Variants in MAGEB5 observed in about 807,000 individuals in gnomAD.
The protein encoded by MAGEB5 is MAGE family member B5.
For missense variants in MAGEB5, 189 were observed against 197.1 expected, an observed-to-expected ratio of 0.96 and a Z score of 0.25; for synonymous variants, 70 against 75.0, an observed-to-expected ratio of 0.93 and a Z score of 0.34.
In MAGEB5 at chrX:26,217,562, G is replaced by A. The variant is rs1929467462; in HGVS notation, c.261G>A (p.Glu87=). The change falls in exon 2 of 2, where the codon GAG becomes GAA. Residue 87 remains glutamate, a synonymous_variant. Coordinates refer to ENST00000602297, the MANE Select transcript of MAGEB5 (RefSeq NM_001271752.1). The stretch of plus-strand genomic sequence containing the variant: ...CTGAGATTCACAGAAGAGCTTCTGA[G>A]CACATTGAGGTTGTCTTTGCAGTTG... ...QFAEIHRRAS[E]HIEVVFAVDL... 8.6e-7 allele frequency: 1 copy of A among 1,166,996 alleles called. No individual in the cohort carries two copies. The highest frequency in any genetic ancestry group is 3.3e-5 in the East Asian group (1 of 30,752).
At position 26,217,242 on chromosome X, in the gene MAGEB5, C is replaced by A; in HGVS notation, c.-60C>A. The A allele has an allele frequency of 1.2e-6, 1 of 858,977 alleles. No homozygotes were observed. The highest frequency in any genetic ancestry group is 1.6e-6 in the Non-Finnish European group (1 of 621,078). The allele number at this position is 858,977 out of a possible 1,213,427, so 70.8% of individuals were successfully genotyped here. A position where few individuals can be genotyped will look rare whatever the true frequency, so the allele number is the denominator to read the frequency against. ...CTCTCCTATTCTTGGGGATATTCCC[C>A]AGAGCTCATCTGCTGCTGAGTCAAG... On this transcript the variant is annotated 5_prime_UTR_variant, in exon 2 of 2. Coordinates refer to ENST00000602297, the MANE Select transcript of MAGEB5 (RefSeq NM_001271752.1).
At position 26,217,343 on chromosome X, in the gene MAGEB5, G is replaced by A; in HGVS notation, c.42G>A (p.Arg14=). 8.6e-7 allele frequency: 1 copy of A among 1,160,705 alleles called. No homozygotes were observed. Among genetic ancestry groups the A allele is most frequent in the South Asian group, 2.0e-5 (1 of 51,063 alleles). The change falls in exon 2 of 2, where the codon AGG becomes AGA. Residue 14 remains arginine, a synonymous_variant. Coordinates refer to ENST00000602297, the MANE Select transcript of MAGEB5 (RefSeq NM_001271752.1). ...TTTTTAATGCAGGATCTGACGAAAG[G>A]GCTAACAGTAGAGATGAGGAGTACC... The part of the protein sequence containing the change: ...AGVFNAGSDE[R]ANSRDEEYPC...
Position 26,217,317 on chromosome X carries a change from GT to G in MAGEB5, c.21del (p.Phe7LeufsTer34). 3.5e-6 allele frequency: 4 copies of G among 1,147,731 alleles called. No individual in the cohort carries two copies. The highest frequency in any genetic ancestry group is 3.5e-6 in the Non-Finnish European group (3 of 864,402). 94.6% of individuals were successfully genotyped at this position (1,147,731 alleles called of 1,213,427 possible). On this transcript the variant is annotated frameshift_variant, in exon 2 of 2. Coordinates refer to ENST00000602297, the MANE Select transcript of MAGEB5 (RefSeq NM_001271752.1). LOFTEE classifies it low-confidence loss of function (END_TRUNC). Reference sequence around the variant, plus strand: ...ATCCAGCACCATGACTTCTGCAGGTGTTTTTAATGCAGGATCTGACGAAAGG... The same window carrying G: ...ATCCAGCACCATGACTTCTGCAGGTGTTTTAATGCAGGATCTGACGAAAGG... MTSAG[V>X]FNAGSDERAN...
rs752349383 is a variant in MAGEB5, at chrX:26,218,098, C to A, written c.797C>A (p.Ala266Glu). Reference protein sequence around the residue: ...HYCSGQDCLRAKFSSFSQPY With the variant: ...HYCSGQDCLREKFSSFSQPY ...TGCAGTGGCCAAGACTGTCTCAGGG[C>A]GAAGTTCAGCAGCTTCTCTCAACCC... The change falls in exon 2 of 2, where the codon GCG becomes GAG. Residue 266 changes from alanine to glutamate, a missense_variant. Coordinates refer to ENST00000602297, the MANE Select transcript of MAGEB5 (RefSeq NM_001271752.1). The A allele has an allele frequency of 8.6e-7, 1 of 1,157,619 alleles. No homozygotes were observed. The highest frequency in any genetic ancestry group is 1.2e-6 in the Non-Finnish European group (1 of 867,545).
rs768567669 is a variant in MAGEB5, at chrX:26,217,429, A to T, written c.128A>T (p.Lys43Met). ...ESSCSNFINIKVGLLEQFLLY... is the reference protein window; with the variant it reads ...ESSCSNFINIMVGLLEQFLLY... ...TCATGCAGCAATTTCATAAATATTA[A>T]GGTGGGTTTGTTGGAGCAGTTCCTG... Residue 43 changes from lysine to methionine, a missense_variant, in exon 2 of 2, where the codon AAG becomes ATG. Physicochemically the swap from Lys to Met is moderately conservative, Grantham distance 95 (BLOSUM62 -1). Coordinates refer to ENST00000602297, the MANE Select transcript of MAGEB5 (RefSeq NM_001271752.1). 6.0e-6 allele frequency: 7 copies of T among 1,165,649 alleles called. No homozygotes were observed. In the East Asian group the frequency reaches 2.3e-4, roughly 38 times the overall value.
chrX:26,217,408 G>A lies in MAGEB5; in HGVS notation c.107G>A (p.Cys36Tyr), dbSNP rs1194553294. The A allele has an allele frequency of 2.1e-5, 25 of 1,167,020 alleles. No homozygotes were observed. Among genetic ancestry groups the A allele is most frequent in the Non-Finnish European group, 2.9e-5 (25 of 872,875 alleles). Residue 36 changes from cysteine to tyrosine, a missense_variant, in exon 2 of 2, where the codon TGC becomes TAC. Transcript: ENST00000602297. ...SEVSPSTESSCSNFINIKVGL... is the reference protein window; with the variant it reads ...SEVSPSTESSYSNFINIKVGL... The stretch of plus-strand genomic sequence containing the variant: ...GTCTCACCCTCCACTGAGAGTTCAT[G>A]CAGCAATTTCATAAATATTAAGGTG...
chrX:26,218,017 C>T lies in MAGEB5; in HGVS notation c.716C>T (p.Ala239Val). Residue 239 changes from alanine (A) to valine (V), a missense_variant, in exon 2 of 2, where the codon GCT (alanine) becomes GTT (valine). Coordinates refer to ENST00000602297, the MANE Select transcript of MAGEB5 (RefSeq NM_001271752.1). ...PGAFSSQYEE[A>V]LQDEEESPSQ... ...GCCTTCTCATCACAATATGAAGAGG[C>T]TTTGCAAGATGAGGAAGAGAGCCCA... 8.4e-7 allele frequency: 1 copy of T among 1,184,339 alleles called. No homozygotes were observed. The highest frequency in any genetic ancestry group is 1.1e-6 in the Non-Finnish European group (1 of 881,633).
rs773422652 is a variant in MAGEB5 at position 26,218,028 on chromosome X, G to A, written c.727G>A (p.Glu243Lys). 30 of 1,177,426 alleles carry A rather than the reference G, an allele frequency of 2.5e-5. No individual in the cohort carries two copies. Among genetic ancestry groups the A allele is most frequent in the African/African-American group, 3.6e-5 (2 of 56,244 alleles). ...SSQYEEALQDEEESPSQRCSR... is the reference protein window; with the variant it reads ...SSQYEEALQDKEESPSQRCSR... ...ACAATATGAAGAGGCTTTGCAAGATGAGGAAGAGAGCCCAAGCCAGAGATG... is the reference window on the plus strand; with the variant it reads ...ACAATATGAAGAGGCTTTGCAAGATAAGGAAGAGAGCCCAAGCCAGAGATG... Residue 243 changes from glutamate (E) to lysine (K), a missense_variant, in exon 2 of 2, where the codon GAG becomes AAG. Glu to Lys is a moderately conservative substitution (Grantham distance 56). Transcript: ENST00000602297.
rs777319530 is a variant in MAGEB5 at position 26,218,106 on chromosome X, A to G, written c.805A>G (p.Ser269Gly). The change falls in exon 2 of 2, where the codon AGC becomes GGC. Residue 269 changes from serine (S) to glycine (G), a missense_variant. By Grantham distance (56) the Ser-to-Gly change is moderately conservative. Coordinates refer to ENST00000602297, the MANE Select transcript of MAGEB5 (RefSeq NM_001271752.1). ...SGQDCLRAKF[S>G]SFSQPY is the part of the protein sequence containing the mutation. ...CCAAGACTGTCTCAGGGCGAAGTTC[A>G]GCAGCTTCTCTCAACCCTATTGAAG... 5.2e-6 allele frequency: 6 copies of G among 1,154,427 alleles called. No homozygotes were observed. The African/African-American group carries it at 1.1e-4, about 21-fold the overall frequency.
chrX:26,218,033 A>C lies in MAGEB5; in HGVS notation c.732A>C (p.Glu244Asp). ...SQYEEALQDE[E>D]ESPSQRCSRN... ...ATGAAGAGGCTTTGCAAGATGAGGAAGAGAGCCCAAGCCAGAGATGCAGCC... is the reference window on the plus strand; with the variant it reads ...ATGAAGAGGCTTTGCAAGATGAGGACGAGAGCCCAAGCCAGAGATGCAGCC... The change falls in exon 2 of 2, where the codon GAA becomes GAC. Residue 244 changes from glutamate (E) to aspartate (D), a missense_variant. Glu to Asp is a conservative substitution (Grantham distance 45, BLOSUM62 2). Coordinates refer to ENST00000602297, the MANE Select transcript of MAGEB5 (RefSeq NM_001271752.1). The C allele has an allele frequency of 8.5e-7, 1 of 1,177,046 alleles. No homozygotes were observed. The highest frequency in any genetic ancestry group is 1.1e-6 in the Non-Finnish European group (1 of 878,225).
At position 26,217,682 on chromosome X, in the gene MAGEB5, A is replaced by T. The variant is rs1319649504; in HGVS notation, c.381A>T (p.Leu127Phe). The T allele has an allele frequency of 9.4e-6, 11 of 1,164,699 alleles. No individual in the cohort carries two copies. The highest frequency in any genetic ancestry group is 2.3e-4 in the Middle Eastern group (1 of 4,323). ...GGAGGATTCATGTTGGCAAAGTGTTACCCAAGACTGGTCTCCTCATGACTT... is the reference window on the plus strand; with the variant it reads ...GGAGGATTCATGTTGGCAAAGTGTTTCCCAAGACTGGTCTCCTCATGACTT... ...NNGRIHVGKVLPKTGLLMTFL... is the reference protein window; with the variant it reads ...NNGRIHVGKVFPKTGLLMTFL... The change falls in exon 2 of 2, where the codon TTA becomes TTT. Residue 127 changes from leucine (L) to phenylalanine (F), a missense_variant. Physicochemically the swap from Leu to Phe is conservative, Grantham distance 22. Coordinates refer to ENST00000602297, the MANE Select transcript of MAGEB5 (RefSeq NM_001271752.1).
In MAGEB5 at chrX:26,218,190, G is replaced by T; in HGVS notation, c.*61G>T. 3 of 768,642 alleles carry T rather than the reference G, an allele frequency of 3.9e-6. No individual in the cohort carries two copies. 63.3% of individuals were successfully genotyped at this position (768,642 alleles called of 1,213,427 possible). On this transcript the variant is annotated 3_prime_UTR_variant, in exon 2 of 2. Transcript: ENST00000602297. ...AACATCACCAAAAGGGATTTTTTTTGGAAATACAAAAGAACCCCCAGTAAA... is the reference window on the plus strand; with the variant it reads ...AACATCACCAAAAGGGATTTTTTTTTGAAATACAAAAGAACCCCCAGTAAA...
intron 1 of MAGEB5, 45 bp downstream of exon 1, chrX:26,216,243 T>C (rs758065948): frequency 1.2e-4 from 13 of 111,807 alleles, no homozygotes; most frequent in African/African-American, 2.6e-4. Flanking sequence ...ACGTTCCCCA[T>C]AGGGCATGTT....
Position 26,217,733 on chromosome X carries a change from C to T in MAGEB5, c.432C>T (p.Gly144=), listed in dbSNP as rs1048634446. ...MTFLVVIFLK[G]NCANKEDTWK... Reference sequence around the variant, plus strand: ...TCCTGGTTGTGATCTTCCTGAAAGGCAACTGTGCCAACAAGGAAGATACCT... The same window carrying T: ...TCCTGGTTGTGATCTTCCTGAAAGGTAACTGTGCCAACAAGGAAGATACCT... The change falls in exon 2 of 2, where the codon GGC becomes GGT. Residue 144 remains glycine (G), a synonymous_variant. Transcript: ENST00000602297. 4.2e-5 allele frequency: 49 copies of T among 1,165,360 alleles called. No homozygotes were observed. Among genetic ancestry groups the T allele is most frequent in the Non-Finnish European group, 5.2e-5 (45 of 872,776 alleles).
chrX:26,218,144 T>C lies in MAGEB5; in HGVS notation c.*15T>C, dbSNP rs1300637250. On this transcript the variant is annotated 3_prime_UTR_variant, in exon 2 of 2. Coordinates refer to ENST00000602297, the MANE Select transcript of MAGEB5 (RefSeq NM_001271752.1). ...AACCCTATTGAAGTCTGAAGCTTTT[T>C]TCATCCAGTCAAGCAAATATAACAT... 4.7e-6 allele frequency: 5 copies of C among 1,068,590 alleles called. No individual in the cohort carries two copies. The South Asian group carries it at 7.4e-5, about 16-fold the overall frequency. 88.1% of individuals were successfully genotyped at this position (1,068,590 alleles called of 1,213,427 possible).
chrX:26,216,976 T>C, intron 1 of MAGEB5, 109 bp from the exon 2 acceptor site: 1 of 228,346 alleles, frequency 4.4e-6, no homozygotes, highest in Non-Finnish European at 7.9e-6. Context: ...ATTATAACCA[T>C]GGTAGAATTT....
In MAGEB5 at chrX:26,217,199, T is replaced by A; in HGVS notation, c.-103T>A. The A allele has an allele frequency of 3.6e-6, 2 of 555,922 alleles. No individual in the cohort carries two copies. The highest frequency in any genetic ancestry group is 5.7e-6 in the Non-Finnish European group (2 of 349,256). The allele number at this position is 555,922 out of a possible 1,213,427, so 45.8% of individuals were successfully genotyped here. The stretch of plus-strand genomic sequence containing the variant: ...CTCAGGCCAGTGAATAAGTGGAAGA[T>A]GATCCCCTCCCCACTTCCTCTCCTA... On this transcript the variant is annotated 5_prime_UTR_variant, in exon 2 of 2. It removes an upstream start codon present in the reference 5' UTR. Transcript: ENST00000602297.
chrX:26,217,267 G>A lies in MAGEB5; in HGVS notation c.-35G>A. 9.6e-7 allele frequency: 1 copy of A among 1,038,679 alleles called. No individual in the cohort carries two copies. Among genetic ancestry groups the A allele is most frequent in the Non-Finnish European group, 1.3e-6 (1 of 781,331 alleles). The allele number at this position is 1,038,679 out of a possible 1,213,427, so 85.6% of individuals were successfully genotyped here. On this transcript the variant is annotated 5_prime_UTR_variant, in exon 2 of 2. In the 5' UTR this introduces an upstream ATG that the reference lacks. Transcript: ENST00000602297. ...CAGAGCTCATCTGCTGCTGAGTCAA[G>A]TGGCACTTCCCAGGAGCCTTGCGAA...
Position 26,217,471 on chromosome X carries a change from T to A in MAGEB5, c.170T>A (p.Met57Lys), listed in dbSNP as rs1451991580. ...LEQFLLYKFK[M>K]KQRILKEDML... ...CAGTTCCTGCTCTACAAGTTCAAAA[T>A]GAAACAGCGTATTTTGAAGGAAGAT... is the stretch of plus-strand genomic sequence containing the variant. The change falls in exon 2 of 2, where the codon ATG (methionine) becomes AAG (lysine). Residue 57 changes from methionine to lysine, a missense_variant. Physicochemically the swap from Met to Lys is moderately conservative, Grantham distance 95. Coordinates refer to ENST00000602297, the MANE Select transcript of MAGEB5 (RefSeq NM_001271752.1). The A allele has an allele frequency of 8.6e-7, 1 of 1,164,767 alleles. No homozygotes were observed. The highest frequency in any genetic ancestry group is 1.1e-6 in the Non-Finnish European group (1 of 872,702).
Sources: allele counts gnomAD v4.1 joint callset, GRCh38; gene constraint gnomAD v4.1.1; transcripts MANE v1.5; gene names NCBI Gene and HGNC (gene_info 2026-07-23, HGNC 2026-07-21).